The following PROSER2 variants were observed in gnomAD, a reference collection of about 807,000 sequenced individuals.
The protein encoded by PROSER2 is proline and serine rich 2, also known as proline and serine-rich protein 2.
A neutral mutation model predicts 14.6 loss-of-function variants in PROSER2; 18 were observed. The observed-to-expected ratio is 1.23, with a 90% CI of 0.85 to 1.83. PROSER2 has a LOEUF of 1.83. PROSER2 is among the 40% of genes most tolerant of loss of function. The pLI, the probability that PROSER2 is intolerant of heterozygous loss-of-function variation, is 0.00. For missense variants in PROSER2, 823 were observed against 629.8 expected (o/e 1.31, Z -3.28); for synonymous variants, 367 against 286.4 (o/e 1.28, Z -2.84).
rs377436109 is a variant in PROSER2, at chr10:11,823,752, C to T, written c.-82+282C>T. ...CGCTGGGTTCCGAGTCTGGGGCTAT[C>T]CTGGGGGCTCAGGGGTGGAGGCGGG... On this transcript the variant is annotated intron_variant, in intron 1 of 3. Coordinates refer to ENST00000277570, the MANE Select transcript of PROSER2 (RefSeq NM_153256.4). The surrounding 1 kb of genome is among the most constrained non-coding windows in gnomAD (Gnocchi z 6.2). Among the ~76,000 whole-genome samples, 55 of 152,310 alleles carry T rather than the reference C, an allele frequency of 3.6e-4. No individual in the cohort carries two copies. The East Asian group carries it at 5.0e-3, about 14-fold the overall frequency.
At chr10:11,826,323 T>A (rs375494991) in intron 1 of PROSER2, among the ~76,000 whole-genome samples, 85 of 152,350 alleles carry the variant, frequency 5.6e-4, no homozygotes, top group African/African-American at 1.9e-3. Flanking sequence ...TTGTGAATAG[T>A]ACTGCTATGA....
intron 2 of PROSER2, 140 bp downstream of exon 2, chr10:11,852,355 G>A (rs1025295368): frequency 2.1e-6 from 2 of 946,116 alleles, no homozygotes; most frequent in African/African-American, 3.3e-5. Flanking sequence ...TTTGTGAAGT[G>A]GTTCTTTATT....
intron 1 of PROSER2, among the ~76,000 whole-genome samples, chr10:11,826,225 C>G (rs1434307444): frequency 6.6e-6 from 1 of 152,172 alleles, no homozygotes; most frequent in Non-Finnish European, 1.5e-5. Context: ...TTTTTATCGC[C>G]GAATAATGTT....
rs1049374072 is a variant in PROSER2, at chr10:11,827,659, T to C, written c.-82+4189T>C. Among the ~76,000 whole-genome samples, 33 of 150,802 alleles carry C rather than the reference T, an allele frequency of 2.2e-4. 1 individual carries two copies. The highest frequency in any genetic ancestry group is 4.2e-4 in the South Asian group (2 of 4,794). ...ATGTGCCAAGCTGTTGAGCGGGTCA[T>C]TGGGCATACAAACATGGAAGTCCTT... On this transcript the variant is annotated intron_variant, in intron 1 of 3. Transcript: ENST00000277570.
intron 1 of PROSER2, among the ~76,000 whole-genome samples, chr10:11,828,564 A>T (rs946203418): frequency 6.6e-6 from 1 of 152,040 alleles, no homozygotes; most frequent in Admixed American, 6.6e-5. Flanking sequence ...TTAGCTTGGC[A>T]TGGTGGTGTG....
intron 2 of PROSER2, among the ~76,000 whole-genome samples, chr10:11,852,985 C>T (rs1035055616): frequency 5.9e-5 from 9 of 152,114 alleles, no homozygotes; most frequent in Admixed American, 2.0e-4. Flanking sequence ...AAGAGGATCT[C>T]GTGCCTTCCC....
Position 11,836,742 on chromosome 10 carries a change from G to C in PROSER2, c.-82+13272G>C, listed in dbSNP as rs964452620. ...TTCCCAGCTCAACTGTGCTTGTCTT[G>C]ACTGTATCTTAAAAGTGCTGGTTAA... On this transcript the variant is annotated intron_variant, in intron 1 of 3. Coordinates refer to ENST00000277570, the MANE Select transcript of PROSER2 (RefSeq NM_153256.4). The surrounding 1 kb of genome is among the most constrained non-coding windows in gnomAD (Gnocchi z 4.6). Among the ~76,000 whole-genome samples the C allele has an allele frequency of 1.3e-5, 2 of 152,106 alleles. No homozygotes were observed. Among genetic ancestry groups the C allele is most frequent in the African/African-American group, 4.8e-5 (2 of 41,420 alleles).
chr10:11,854,029 G>T (rs1234087043), intron 2 of PROSER2, among the ~76,000 whole-genome samples: 3 of 152,130 alleles, frequency 2.0e-5, no homozygotes, highest in Admixed American at 6.6e-5. Context: ...CTCATAGGAC[G>T]CCTATAATTA....
chr10:11,850,920 T>A (rs1006028720), intron 1 of PROSER2: 5 of 152,350 alleles, frequency 3.3e-5, no homozygotes, highest in African/African-American at 1.2e-4. Context: ...CTGGATTTCC[T>A]GCTAAAAGGG....
chr10:11,852,072 G>A lies in PROSER2; in HGVS notation c.-6G>A, dbSNP rs772669879. Reference sequence around the variant, plus strand: ...TGATCGAGCCGGCCCTGAGGACTCTGTGGAGATGCCTGTAACCCACCGGAA... The same window carrying A: ...TGATCGAGCCGGCCCTGAGGACTCTATGGAGATGCCTGTAACCCACCGGAA... On this transcript the variant is annotated 5_prime_UTR_variant, in exon 2 of 4. The change creates a new upstream start codon in the 5' untranslated region. Transcript: ENST00000277570. 4 of 1,607,272 alleles carry A rather than the reference G, an allele frequency of 2.5e-6. No homozygotes were observed. In the Admixed American group the frequency reaches 5.1e-5, roughly 20 times the overall value.
chr10:11,855,249 G>A lies in PROSER2; in HGVS notation c.138+3034G>A, dbSNP rs537309401. On this transcript the variant is annotated intron_variant, in intron 2 of 3. Transcript: ENST00000277570. ...AGCACTTTGGGAGGCCAAGGCAGGC[G>A]GATCACGAGGTCAGGAGATTGAGAC... is the stretch of plus-strand genomic sequence containing the variant. Among the ~76,000 whole-genome samples, 7 of 151,434 alleles carry A rather than the reference G, an allele frequency of 4.6e-5. No homozygotes were observed. In the South Asian group the frequency reaches 6.3e-4, roughly 14 times the overall value.
intron 2 of PROSER2, among the ~76,000 whole-genome samples, chr10:11,854,991 G>A (rs1005886921): frequency 6.6e-6 from 1 of 151,738 alleles, no homozygotes; most frequent in Non-Finnish European, 1.5e-5. Context: ...AATTCCCAAG[G>A]TCATGAAAGA....
chr10:11,826,791 A>G (rs922604025), intron 1 of PROSER2, among the ~76,000 whole-genome samples: 6 of 151,336 alleles, frequency 4.0e-5, no homozygotes, highest in Admixed American at 1.3e-4. Context: ...CGTGTTAGCC[A>G]GGATGGTCTT....
Position 11,846,969 on chromosome 10 carries a change from C to G in PROSER2, c.-81-5028C>G, listed in dbSNP as rs139392363. On this transcript the variant is annotated intron_variant, in intron 1 of 3. Coordinates refer to ENST00000277570, the MANE Select transcript of PROSER2 (RefSeq NM_153256.4). ...GCATCTCTATGTTGCCCGGGCTGGT[C>G]TCAAACTCCTGGCCTGAAGCAATCC... Among the ~76,000 whole-genome samples the G allele has an allele frequency of 1.4e-3, 206 of 151,796 alleles. 1 individual carries two copies. Among genetic ancestry groups the G allele is most frequent in the African/African-American group, 4.8e-3 (200 of 41,384 alleles).
At position 11,862,074 on chromosome 10, in the gene PROSER2, G is replaced by C. The variant is rs7080320; in HGVS notation, c.139-4457G>C. Among the ~76,000 whole-genome samples, 2,229 of 152,230 alleles carry C rather than the reference G, an allele frequency of 0.015. 43 individuals are homozygous for C. Among genetic ancestry groups the C allele is most frequent in the African/African-American group, 0.051 (2,110 of 41,526 alleles). On this transcript the variant is annotated intron_variant, in intron 2 of 3. Transcript: ENST00000277570. The surrounding 1 kb of genome is among the most constrained non-coding windows in gnomAD (Gnocchi z 4.2). ...TGCGGCAGGTCTGGGATCGGACCCAGGAATGTTTCTGACAAGTTCACAGAT... is the reference window on the plus strand; with the variant it reads ...TGCGGCAGGTCTGGGATCGGACCCACGAATGTTTCTGACAAGTTCACAGAT...
At position 11,866,221 on chromosome 10, in the gene PROSER2, C is replaced by A. The variant is rs76663800; in HGVS notation, c.139-310C>A. On this transcript the variant is annotated intron_variant, in intron 2 of 3. Transcript: ENST00000277570. This position sits in a 1 kb window ranked among gnomAD's most constrained non-coding sequence, Gnocchi z 6.0. ...TGGAAAAACAAGTGTGTTGGATAGCCGTAGGCTGACTGCAGCTCTCCAGTG... is the reference window on the plus strand; with the variant it reads ...TGGAAAAACAAGTGTGTTGGATAGCAGTAGGCTGACTGCAGCTCTCCAGTG... Among the ~76,000 whole-genome samples the A allele has an allele frequency of 0.038, 5,782 of 152,218 alleles. 365 individuals are homozygous for A. Among genetic ancestry groups the A allele is most frequent in the African/African-American group, 0.13 (5,390 of 41,506 alleles).
At chr10:11,864,547 G>A (rs996335010) in intron 2 of PROSER2, among the ~76,000 whole-genome samples, 6 of 150,956 alleles carry the variant, frequency 4.0e-5, no homozygotes, top group African/African-American at 1.5e-4. Flanking sequence ...ATTCTCTTAC[G>A]TAACTTAGGC....
intron 1 of PROSER2, among the ~76,000 whole-genome samples, chr10:11,827,832 C>T (rs1232423147): frequency 6.6e-6 from 1 of 151,948 alleles, no homozygotes; most frequent in East Asian, 1.9e-4. Context: ...GTGCGTGCCA[C>T]CATGCCTGGC....
At chr10:11,868,167 ACCAG>A (rs1834392229) in intron 3 of PROSER2, among the ~76,000 whole-genome samples, 1 of 152,208 alleles carries the variant, frequency 6.6e-6, no homozygotes. Context: ...AGTAATTTGA[ACCAG>A]CCGATCCTTT....
Sources: gnomAD v4.1 joint callset for allele counts (sites outside exome capture counted in the v4.1 genomes callset) on GRCh38, gnomAD v4.1.1 for gene constraint, Gnocchi (gnomAD v3.1) non-coding constraint, MANE v1.5 for transcripts, NCBI Gene and HGNC (gene_info 2026-07-23, HGNC 2026-07-21) for gene names.